The following ZBTB20 variants were observed in gnomAD, a reference collection of about 807,000 sequenced individuals.
ZBTB20 encodes the protein zinc finger and BTB domain containing 20.
Under a neutral mutation model 56.9 loss-of-function variants are expected in ZBTB20, and 9 were observed. That is an observed-to-expected ratio of 0.16 (90% CI 0.10 to 0.28). The LOEUF (loss-of-function observed/expected upper bound fraction) is 0.28, where lower values mean the gene tolerates loss of function less well. Ranked by LOEUF, ZBTB20 falls within the 10% of genes least tolerant of loss-of-function variation. The pLI, the probability that ZBTB20 is intolerant of heterozygous loss-of-function variation, is 1.00. For missense variants in ZBTB20, 655 were observed against 1,003.0 expected (o/e 0.65, Z 4.69); for synonymous variants, 417 against 420.7 (o/e 0.99, Z 0.11).
At chr3:115,108,069 G>T (rs2083774762) in intron 1 of ZBTB20, among the ~76,000 whole-genome samples, 1 of 151,772 alleles carries the variant, frequency 6.6e-6, no homozygotes, top group South Asian at 2.1e-4. Flanking sequence ...CGGGTTGATA[G>T]ATGCAGCAAA....
In ZBTB20 at chr3:114,339,224, C is replaced by T; in HGVS notation, c.2007G>A (p.Lys669=). The T allele has an allele frequency of 6.2e-7, 1 of 1,614,214 alleles. No homozygotes were observed. Among genetic ancestry groups the T allele is most frequent in the Non-Finnish European group, 8.5e-7 (1 of 1,180,040 alleles). Residue 669 remains lysine (K), a synonymous_variant, in exon 12 of 12, where the codon AAG becomes AAA. Transcript: ENST00000675478. This position sits in a 1 kb window ranked among gnomAD's most constrained non-coding sequence, Gnocchi z 4.2. ...CCAGGAGGGTCTTGTGAGAGAACTT[C>T]TTTTTGCAGATGTAGCACTCGTAGG... ...EKSYECYICK[K]KFSHKTLLER...
At position 114,947,315 on chromosome 3, in the gene ZBTB20, C is replaced by A. The variant is rs574377087; in HGVS notation, c.-456+27051G>T. On this transcript the variant is annotated intron_variant, in intron 3 of 11. Transcript: ENST00000675478. ...CAACAATCCCACCATTGGGTATATA[C>A]CCCCAAAAAGAAATTATTATACCAA... 9.2e-4 allele frequency among the ~76,000 whole-genome samples: 134 copies of A among 146,070 alleles called. 22 individuals carry two copies. Among genetic ancestry groups the A allele is most frequent in the Middle Eastern group, 3.4e-3 (1 of 292 alleles).
chr3:114,973,033 A>G (rs926229270), intron 3 of ZBTB20, among the ~76,000 whole-genome samples: 1 of 152,244 alleles, frequency 6.6e-6, no homozygotes, highest in Admixed American at 6.5e-5. Context: ...TTAATAGCTA[A>G]TAATAAAAAG....
At chr3:114,655,951 A>G (rs1391733050) in intron 6 of ZBTB20, among the ~76,000 whole-genome samples, 7 of 152,180 alleles carry the variant, frequency 4.6e-5, no homozygotes, top group Non-Finnish European at 7.4e-5. Context: ...ACAAGTTTCT[A>G]TCTTGGTTCA....
chr3:114,649,539 G>GGGTGTACTTCATCAT (rs544302010), intron 6 of ZBTB20, among the ~76,000 whole-genome samples: 66 of 152,020 alleles, frequency 4.3e-4, no homozygotes, highest in Admixed American at 2.8e-3. Context: ...TACTTCATCA[G>GGGTGTACTTCATCAT]GATGTACTTC....
At chr3:114,397,592 C>G (rs1165346716) in intron 7 of ZBTB20, among the ~76,000 whole-genome samples, 1 of 149,758 alleles carries the variant, frequency 6.7e-6, no homozygotes, top group Non-Finnish European at 1.5e-5. Context: ...TTTTTTGTCC[C>G]GCATTCAACT....
At chr3:114,347,386 T>C (rs995370945) in intron 11 of ZBTB20, among the ~76,000 whole-genome samples, 6 of 152,186 alleles carry the variant, frequency 3.9e-5, no homozygotes, top group African/African-American at 1.4e-4. Context: ...AGGACTCTTT[T>C]TGGTTAGAGT....
intron 5 of ZBTB20, among the ~76,000 whole-genome samples, chr3:114,751,047 G>C (rs901228294): frequency 6.6e-6 from 1 of 151,968 alleles, no homozygotes; most frequent in Non-Finnish European, 1.5e-5. Context: ...TTTTATGAGG[G>C]TATTTAAATA....
At chr3:114,450,654 T>C (rs767425761) in intron 7 of ZBTB20, among the ~76,000 whole-genome samples, 3 of 152,160 alleles carry the variant, frequency 2.0e-5, no homozygotes, top group Non-Finnish European at 4.4e-5. Context: ...ACAAAAATTA[T>C]ATCCTGATAC....
chr3:115,133,473 C>A (rs1288988454), intron 1 of ZBTB20, among the ~76,000 whole-genome samples: 1 of 152,102 alleles, frequency 6.6e-6, no homozygotes, highest in Non-Finnish European at 1.5e-5. Context: ...TCACCAACTA[C>A]CTCCAGAACA....
intron 4 of ZBTB20, among the ~76,000 whole-genome samples, chr3:114,844,860 CTTTTT>C (rs11396350): frequency 2.3e-5 from 3 of 130,436 alleles, no homozygotes; most frequent in Non-Finnish European, 4.8e-5. Flanking sequence ...TTTTCTTTTT[CTTTTT>C]TTTTTTTTTT....
At chr3:115,142,584 A>T (rs1210489812) in intron 1 of ZBTB20, among the ~76,000 whole-genome samples, 2 of 151,756 alleles carry the variant, frequency 1.3e-5, no homozygotes, top group African/African-American at 4.8e-5. Context: ...GAATTGCTTG[A>T]ATCTGGGAGG....
intron 6 of ZBTB20, among the ~76,000 whole-genome samples, chr3:114,568,742 G>T (rs2053083317): frequency 6.6e-6 from 1 of 152,310 alleles, no homozygotes; most frequent in Non-Finnish European, 1.5e-5. Context: ...AACAGGACAT[G>T]AATGACCTGA....
At chr3:114,545,443 G>T (rs1246848936) in intron 6 of ZBTB20, among the ~76,000 whole-genome samples, 3 of 152,146 alleles carry the variant, frequency 2.0e-5, no homozygotes, top group African/African-American at 4.8e-5. Context: ...CACTGGCTTT[G>T]GTACCAGAGA....
intron 3 of ZBTB20, among the ~76,000 whole-genome samples, chr3:114,970,448 C>A (rs772893562): frequency 2.6e-5 from 4 of 152,200 alleles, no homozygotes; most frequent in Admixed American, 6.5e-5. Flanking sequence ...GCAAGAAACA[C>A]AAATCACCTA....
At chr3:115,100,411 T>G (rs1576777891) in intron 1 of ZBTB20, 3 of 124,280 alleles carry the variant, frequency 2.4e-5, no homozygotes, top group Non-Finnish European at 1.7e-5. Flanking sequence ...AGCAAGCGAG[T>G]AAGAGAGAGA....
chr3:115,026,757 T>C (rs771777131), intron 2 of ZBTB20, among the ~76,000 whole-genome samples: 12 of 150,716 alleles, frequency 8.0e-5, no homozygotes, highest in Non-Finnish European at 1.5e-4. Context: ...TCTCCCTCCT[T>C]TCATCACCTG....
intron 5 of ZBTB20, among the ~76,000 whole-genome samples, chr3:114,761,163 CAA>C (rs2068409807): frequency 6.6e-6 from 1 of 152,092 alleles, no homozygotes; most frequent in African/African-American, 2.4e-5. Flanking sequence ...AAAGAATTTA[CAA>C]AGTTTATTAA....
intron 3 of ZBTB20, among the ~76,000 whole-genome samples, chr3:114,913,170 T>C (rs1194171209): frequency 6.6e-6 from 1 of 152,044 alleles, no homozygotes; most frequent in Non-Finnish European, 1.5e-5. Flanking sequence ...CTGTTCTCCA[T>C]AGTACTTATA....
Sources: gnomAD v4.1 joint callset for allele counts (sites outside exome capture counted in the v4.1 genomes callset) on GRCh38, gnomAD v4.1.1 for gene constraint, Gnocchi (gnomAD v3.1) non-coding constraint, MANE v1.5 for transcripts, NCBI Gene and HGNC (gene_info 2026-07-23, HGNC 2026-07-21) for gene names.